Variants in COL4A1 observed in about 807,000 individuals in gnomAD.
COL4A1 encodes the protein collagen alpha-1(IV) chain.
In COL4A1, 40 loss-of-function variants were observed where a neutral mutation model predicts 216.6. The observed-to-expected ratio is 0.18, with a 90% CI of 0.14 to 0.24. The LOEUF (loss-of-function observed/expected upper bound fraction) is 0.24, where lower values mean the gene tolerates loss of function less well. COL4A1 is among the 10% of genes least tolerant of loss of function. The pLI is 1.00. For missense variants in COL4A1, 1,628 were observed against 2,196.8 expected (o/e 0.74, Z 5.18); for synonymous variants, 839 against 810.7 (o/e 1.03, Z -0.59).
chr13:110,178,568 C>A (rs907951548), intron 31 of COL4A1, among the ~76,000 whole-genome samples: 2 of 152,170 alleles, frequency 1.3e-5, no homozygotes, highest in Non-Finnish European at 2.9e-5. Context: ...TGATCAAAGG[C>A]AAAGCTAGGT....
chr13:110,224,514 G>A (rs966123818), intron 2 of COL4A1, among the ~76,000 whole-genome samples: 1 of 152,156 alleles, frequency 6.6e-6, no homozygotes, highest in African/African-American at 2.4e-5. Context: ...GTACAGACAA[G>A]GTTTCACCAT....
intron 1 of COL4A1, among the ~76,000 whole-genome samples, chr13:110,301,086 G>C (rs1311309356): frequency 1.3e-5 from 2 of 152,130 alleles, no homozygotes; most frequent in Non-Finnish European, 2.9e-5. Flanking sequence ...ATATTTCCAA[G>C]TCATGTTTAG....
At chr13:110,229,978 C>A (rs111463209) in intron 2 of COL4A1, among the ~76,000 whole-genome samples, 3,637 of 152,298 alleles carry the variant, frequency 0.024, 50 homozygotes, top group Non-Finnish European at 0.04. Flanking sequence ...CCCAGCTTGG[C>A]CCACCAGCTC....
chr13:110,279,366 G>A (rs906291518), intron 1 of COL4A1, among the ~76,000 whole-genome samples: 8 of 152,176 alleles, frequency 5.3e-5, no homozygotes, highest in Admixed American at 1.3e-4. Context: ...CCCACAATAC[G>A]GGCTCCTTCT....
intron 1 of COL4A1, among the ~76,000 whole-genome samples, chr13:110,270,097 T>C (rs530403315): frequency 2.6e-5 from 4 of 152,180 alleles, no homozygotes; most frequent in Non-Finnish European, 5.9e-5. Flanking sequence ...TTGAAATACT[T>C]GGTCTGCATC....
Position 110,207,007 on chromosome 13 carries a change from A to C in COL4A1, c.781-116T>G. On this transcript the variant is annotated intron_variant, in intron 13 of 51. Coordinates refer to ENST00000375820, the MANE Select transcript of COL4A1 (RefSeq NM_001845.6). The surrounding 1 kb of genome is among the most constrained non-coding windows in gnomAD (Gnocchi z 4.4). ...CCTTTTTCTGATATATTAACAAAGA[A>C]ATTCATGTTGATCTCCAGCACTCAC... 1 of 1,081,220 alleles carries C rather than the reference A, an allele frequency of 9.2e-7. No individual in the cohort carries two copies. Among genetic ancestry groups the C allele is most frequent in the Non-Finnish European group, 1.4e-6 (1 of 721,098 alleles). 67.0% of individuals were successfully genotyped at this position (1,081,220 alleles called of 1,614,324 possible).
chr13:110,222,764 C>A, intron 2 of COL4A1, among the ~76,000 whole-genome samples: 1 of 96,380 alleles, frequency 1.0e-5, no homozygotes. Context: ...CAGAGCCAGA[C>A]TCTGCTTTAA....
intron 2 of COL4A1, among the ~76,000 whole-genome samples, chr13:110,232,945 T>C (rs1303631424): frequency 3.9e-5 from 6 of 152,042 alleles, no homozygotes; most frequent in Admixed American, 3.3e-4. Flanking sequence ...TGGGCAGAAC[T>C]AGGAAGTGGA....
intron 1 of COL4A1, among the ~76,000 whole-genome samples, chr13:110,275,149 A>C (rs1883383630): frequency 6.6e-6 from 1 of 152,232 alleles, no homozygotes; most frequent in Non-Finnish European, 1.5e-5. Context: ...TATTTGCAAA[A>C]GATATATTTG....
chr13:110,231,234 C>G (rs1881046471), intron 2 of COL4A1, among the ~76,000 whole-genome samples: 2 of 152,204 alleles, frequency 1.3e-5, no homozygotes, highest in African/African-American at 4.8e-5. Flanking sequence ...CAGCGACAAA[C>G]AGTTTCACAC....
chr13:110,186,674 T>C lies in COL4A1; in HGVS notation c.1729-121A>G, dbSNP rs1878420435. 8.7e-6 allele frequency: 11 copies of C among 1,264,646 alleles called. No homozygotes were observed. The East Asian group carries it at 2.8e-4, about 32-fold the overall frequency. 78.3% of individuals were successfully genotyped at this position (1,264,646 alleles called of 1,614,324 possible). On this transcript the variant is annotated intron_variant, in intron 25 of 51. Transcript: ENST00000375820. The stretch of plus-strand genomic sequence containing the variant: ...GAGTTAACTGGCTCACACTATTTAT[T>C]TACTTCATCTACCCTCCCAGGAGGG...
At chr13:110,165,602 ACCCT>A (rs2139150091) in intron 45 of COL4A1, among the ~76,000 whole-genome samples, 1 of 122,954 alleles carries the variant, frequency 8.1e-6, no homozygotes, top group Admixed American at 8.7e-5. Context: ...CCTTCCACAC[ACCCT>A]CCCTCCCCTC....
intron 2 of COL4A1, among the ~76,000 whole-genome samples, chr13:110,230,274 T>C (rs1880968838): frequency 1.3e-5 from 2 of 151,922 alleles, no homozygotes; most frequent in East Asian, 1.9e-4. Flanking sequence ...ATGTTATGTG[T>C]GTGGTGCGTG....
intron 42 of COL4A1, 111 bp from the exon 43 acceptor site, chr13:110,169,873 A>C: frequency 6.9e-7 from 1 of 1,443,630 alleles, no homozygotes; most frequent in Non-Finnish European, 9.5e-7. Flanking sequence ...ACAACACTGG[A>C]CCAACAGTGA....
chr13:110,303,520 T>TA (rs375822371), intron 1 of COL4A1, among the ~76,000 whole-genome samples: 110 of 152,288 alleles, frequency 7.2e-4, no homozygotes, highest in African/African-American at 2.5e-3. Flanking sequence ...CAAAGACCCT[T>TA]AGACTTGAGA....
At chr13:110,218,090 G>A (rs190526485) in intron 2 of COL4A1, among the ~76,000 whole-genome samples, 1 of 152,166 alleles carries the variant, frequency 6.6e-6, no homozygotes, top group Non-Finnish European at 1.5e-5. Flanking sequence ...ACCCAGGACA[G>A]CTGAAGTTAA....
At chr13:110,214,857 G>A (rs1303168004) in intron 2 of COL4A1, among the ~76,000 whole-genome samples, 1 of 152,194 alleles carries the variant, frequency 6.6e-6, no homozygotes, top group Non-Finnish European at 1.5e-5. Context: ...CCAGCCTTGC[G>A]CAAGTCCACA....
At chr13:110,288,491 G>A (rs1042248983) in intron 1 of COL4A1, among the ~76,000 whole-genome samples, 3 of 152,058 alleles carry the variant, frequency 2.0e-5, no homozygotes, top group Admixed American at 1.3e-4. Flanking sequence ...TAACCACAGG[G>A]TAGAGCAACT....
intron 1 of COL4A1, among the ~76,000 whole-genome samples, chr13:110,246,650 T>C (rs546128836): frequency 6.6e-6 from 1 of 152,340 alleles, no homozygotes; most frequent in South Asian, 2.1e-4. Context: ...GGCTCCCTGC[T>C]GGCTGCATAT....
Sources: allele counts gnomAD v4.1 joint callset (sites outside exome capture counted in the v4.1 genomes callset), GRCh38; gene constraint gnomAD v4.1.1; non-coding constraint Gnocchi (gnomAD v3.1); transcripts MANE v1.5; gene names NCBI Gene and HGNC (gene_info 2026-07-23, HGNC 2026-07-21).